ACTG1: variants seen among roughly 807,000 people sequenced by gnomAD.
The protein encoded by ACTG1 is actin gamma 1.
Under a neutral mutation model 34.3 loss-of-function variants are expected in ACTG1, and 14 were observed. The ratio of observed to expected loss-of-function variants is 0.41; its 90% confidence interval spans 0.27 to 0.64. ACTG1 has a LOEUF of 0.64. Ranked by LOEUF, ACTG1 falls within the 30% of genes least tolerant of loss-of-function variation. The probability of loss-of-function intolerance (pLI) is 0.33; values close to 1 mark genes in which losing one functional copy is unlikely to be tolerated. For synonymous variants in ACTG1, 422 were observed against 213.9 expected, an observed-to-expected ratio of 1.97 and a Z score of -8.49; for missense variants, 233 against 529.5, an observed-to-expected ratio of 0.44 and a Z score of 5.50.
chr17:81,512,041 G>T lies in ACTG1; in HGVS notation c.225C>A (p.Ile75=). 6.2e-7 allele frequency: 1 copy of T among 1,614,022 alleles called. No homozygotes were observed. Among genetic ancestry groups the T allele is most frequent in the Non-Finnish European group, 8.5e-7 (1 of 1,180,040 alleles). ...LTLKYPIEHG[I]VTNWDDMEKI... ...TCTCCATGTCGTCCCAGTTGGTGAC[G>T]ATGCCATGCTCAATGGGGTACTTCA... is the stretch of plus-strand genomic sequence containing the variant. Residue 75 remains isoleucine (I), a synonymous_variant, in exon 3 of 6, where the codon ATC becomes ATA. Coordinates refer to ENST00000573283, the MANE Select transcript of ACTG1 (RefSeq NM_001614.5).
intron 1 of ACTG1, 81 bp from the exon 2 acceptor site, chr17:81,512,441 G>C: frequency 1.2e-6 from 2 of 1,610,646 alleles, no homozygotes; most frequent in Non-Finnish European, 1.7e-6. Context: ...CCTCCCGCGG[G>C]GAAGCCTCGG....
Position 81,511,185 on chromosome 17 carries a change from T to C in ACTG1, c.802+3A>G, listed in dbSNP as rs1568060971. ...GTAGAAACCTTTAGCTCACAACACC[T>C]ACCCAGGAAGGAAGGCTGGAACAGC... On this transcript the variant is annotated splice_donor_region_variant and intron_variant, in intron 4 of 5. Coordinates refer to ENST00000573283, the MANE Select transcript of ACTG1 (RefSeq NM_001614.5). 1 of 1,613,650 alleles carries C rather than the reference T, an allele frequency of 6.2e-7. No individual in the cohort carries two copies. The highest frequency in any genetic ancestry group is 8.5e-7 in the Non-Finnish European group (1 of 1,180,036).
At position 81,510,801 on chromosome 17, in the gene ACTG1, C is replaced by T. The variant is rs111305526; in HGVS notation, c.1017G>A (p.Val339=). 5.0e-6 allele frequency: 8 copies of T among 1,614,026 alleles called. No homozygotes were observed. The African/African-American group carries it at 5.3e-5, about 11-fold the overall frequency. ...AGGCCAGGATGGAGCCACCGATCCA[C>T]ACCGAGTACTTGCGCTCTGGGGGTG... ...IIAPPERKYS[V]WIGGSILASL... The change falls in exon 6 of 6, where the codon GTG becomes GTA. Residue 339 remains valine, a synonymous_variant. Transcript: ENST00000573283.
At chr17:81,512,684 G>C (rs2031894577) in intron 1 of ACTG1, 50 bp downstream of exon 1, 3 of 401,928 alleles carry the variant, frequency 7.5e-6, no homozygotes, top group South Asian at 6.0e-5. Flanking sequence ...CCGGGGTCGG[G>C]GGGCGCAGGC....
rs557197018 is a variant in ACTG1, at chr17:81,510,222, T to A, written c.*468A>T. The A allele has an allele frequency of 1.6e-4, 82 of 508,984 alleles. No homozygotes were observed. Among genetic ancestry groups the A allele is most frequent in the African/African-American group, 1.4e-3 (72 of 50,874 alleles). The allele number at this position is 508,984 out of a possible 1,614,324, so 31.5% of individuals were successfully genotyped here. A position where few individuals can be genotyped will look rare whatever the true frequency, so the allele number is the denominator to read the frequency against. ...ACATCAGCTAAGAAAGGAAACTGGG[T>A]CCTACGGCTTGGACTTTCCAACCCT... On this transcript the variant is annotated 3_prime_UTR_variant, in exon 6 of 6. Transcript: ENST00000573283.
rs782132566 is a variant in ACTG1 at position 81,511,883 on chromosome 17, G to C, written c.363+20C>G. ...ACTGGGGAAAGGACGGGAGGAGCAC[G>C]GGCGTCGGCCGAGCCTCACCTGAGT... is the stretch of plus-strand genomic sequence containing the variant. On this transcript the variant is annotated intron_variant, in intron 3 of 5. Coordinates refer to ENST00000573283, the MANE Select transcript of ACTG1 (RefSeq NM_001614.5). The C allele has an allele frequency of 1.1e-5, 17 of 1,613,862 alleles. No homozygotes were observed. The highest frequency in any genetic ancestry group is 4.0e-5 in the African/African-American group (3 of 74,926).
rs2031655914 is a variant in ACTG1, at chr17:81,510,088, T to G, written c.*602A>C. On this transcript the variant is annotated 3_prime_UTR_variant, in exon 6 of 6. Transcript: ENST00000573283. The stretch of plus-strand genomic sequence containing the variant: ...GTCATCTCTTCAAAGAATCGAGAAT[T>G]GCGTACAAAAAAAACCTTACATAAA... The G allele has an allele frequency of 8.7e-6, 4 of 458,944 alleles. No homozygotes were observed. Among genetic ancestry groups the G allele is most frequent in the African/African-American group, 4.0e-5 (2 of 49,940 alleles). 28.4% of individuals were successfully genotyped at this position (458,944 alleles called of 1,614,324 possible). A position where few individuals can be genotyped will look rare whatever the true frequency, so the allele number is the denominator to read the frequency against.
At position 81,512,333 on chromosome 17, in the gene ACTG1, G is replaced by A. The variant is rs782795413; in HGVS notation, c.22C>T (p.Leu8=). The A allele has an allele frequency of 1.3e-5, 21 of 1,613,878 alleles. No homozygotes were observed. Among genetic ancestry groups the A allele is most frequent in the Middle Eastern group, 1.6e-4 (1 of 6,084 alleles). Residue 8 remains leucine, a synonymous_variant, in exon 2 of 6, where the codon CTG becomes TTG. Coordinates refer to ENST00000573283, the MANE Select transcript of ACTG1 (RefSeq NM_001614.5). MEEEIAA[L]VIDNGSGMCK... ...ATGCCGGAGCCATTGTCAATGACCA[G>A]CGCGGCGATCTCTTCTTCCATTGCG...
chr17:81,512,581 GC>G (rs1391070346), intron 1 of ACTG1, 152 bp downstream of exon 1: 16 of 683,518 alleles, frequency 2.3e-5, no homozygotes, highest in African/African-American at 3.6e-5. Flanking sequence ...GACCCCCGGC[GC>G]CCCCCCAGCC....
At position 81,512,739 on chromosome 17, in the gene ACTG1, G is replaced by C. The variant is rs782479378; in HGVS notation, c.-12C>G. Reference sequence around the variant, plus strand: ...CCCCGGGGCGGGGCGCTCACCGGCAGAGAAACGCGACGGCGGAGCGGCGGA... The same window carrying C: ...CCCCGGGGCGGGGCGCTCACCGGCACAGAAACGCGACGGCGGAGCGGCGGA... On this transcript the variant is annotated 5_prime_UTR_variant, in exon 1 of 6. Transcript: ENST00000573283. 2 of 413,828 alleles carry C rather than the reference G, an allele frequency of 4.8e-6. No homozygotes were observed. Among genetic ancestry groups the C allele is most frequent in the South Asian group, 1.7e-5 (1 of 58,198 alleles). 25.6% of individuals were successfully genotyped at this position (413,828 alleles called of 1,614,324 possible).
Position 81,511,174 on chromosome 17 carries a change from C to T in ACTG1, c.802+14G>A. 3 of 1,613,712 alleles carry T rather than the reference C, an allele frequency of 1.9e-6. No individual in the cohort carries two copies. The highest frequency in any genetic ancestry group is 1.1e-5 in the South Asian group (1 of 91,086). The stretch of plus-strand genomic sequence containing the variant: ...AGGATGTAAGAGTAGAAACCTTTAG[C>T]TCACAACACCTACCCAGGAAGGAAG... On this transcript the variant is annotated intron_variant, in intron 4 of 5. Coordinates refer to ENST00000573283, the MANE Select transcript of ACTG1 (RefSeq NM_001614.5).
chr17:81,512,190 C>T (rs781879811), intron 2 of ACTG1, 42 bp downstream of exon 2: 4 of 1,613,350 alleles, frequency 2.5e-6, no homozygotes, highest in Admixed American at 3.3e-5. Flanking sequence ...GAACCCACCC[C>T]GCAACGCAGA....
rs537839620 is a variant in ACTG1, at chr17:81,510,496, T to G, written c.*194A>C. The stretch of plus-strand genomic sequence containing the variant: ...ACAAATACCAAGGGGAACAGTTAAC[T>G]TCAATACAAGGTCAAAATCAGCAAC... On this transcript the variant is annotated 3_prime_UTR_variant, in exon 6 of 6. Transcript: ENST00000573283. 96 of 775,462 alleles carry G rather than the reference T, an allele frequency of 1.2e-4. 1 individual carries two copies. In the African/African-American group the frequency reaches 1.5e-3, roughly 12 times the overall value. The allele number at this position is 775,462 out of a possible 1,614,324, so 48.0% of individuals were successfully genotyped here.
At position 81,512,761 on chromosome 17, in the gene ACTG1, C is replaced by T. The variant is rs1038263082; in HGVS notation, c.-34G>A. The T allele has an allele frequency of 1.5e-5, 6 of 413,398 alleles. No individual in the cohort carries two copies. The highest frequency in any genetic ancestry group is 1.0e-4 in the East Asian group (1 of 9,772). 25.6% of individuals were successfully genotyped at this position (413,398 alleles called of 1,614,324 possible). A position where few individuals can be genotyped will look rare whatever the true frequency, so the allele number is the denominator to read the frequency against. ...GCAGAGAAACGCGACGGCGGAGCGG[C>T]GGAAGAACAGAGTGCGAGAGCTGGC... On this transcript the variant is annotated 5_prime_UTR_variant, in exon 1 of 6. Coordinates refer to ENST00000573283, the MANE Select transcript of ACTG1 (RefSeq NM_001614.5).
Position 81,510,997 on chromosome 17 carries a change from A to G in ACTG1, c.914T>C (p.Met305Thr). ...ANTVLSGGTT[M>T]YPGIADRMQK... ...CATCCTGTCGGCAATGCCCGGGTAC[A>G]TGGTGGTGCCGCCCGACAGCACCGT... Residue 305 changes from methionine to threonine, a missense_variant, in exon 5 of 6, where the codon ATG becomes ACG. Coordinates refer to ENST00000573283, the MANE Select transcript of ACTG1 (RefSeq NM_001614.5). The G allele has an allele frequency of 6.2e-7, 1 of 1,614,002 alleles. No homozygotes were observed. The highest frequency in any genetic ancestry group is 8.5e-7 in the Non-Finnish European group (1 of 1,180,010).
intron 3 of ACTG1, 44 bp from the exon 4 acceptor site, chr17:81,511,670 C>T (rs528687538): frequency 6.9e-6 from 11 of 1,587,320 alleles, no homozygotes; most frequent in South Asian, 4.5e-5. Context: ...CAGAGACCCA[C>T]GGCCACCCCA....
intron 3 of ACTG1, 114 bp downstream of exon 3, chr17:81,511,789 G>T (rs782283403): frequency 6.3e-7 from 1 of 1,575,092 alleles, no homozygotes; most frequent in Admixed American, 1.8e-5. Context: ...GGAAATGCCG[G>T]GAGAGGAACA....
In ACTG1 at chr17:81,512,358, G is replaced by T. The variant is rs371557875; in HGVS notation, c.-4C>A. On this transcript the variant is annotated splice_region_variant and 5_prime_UTR_variant, in exon 2 of 6. Coordinates refer to ENST00000573283, the MANE Select transcript of ACTG1 (RefSeq NM_001614.5). Reference sequence around the variant, plus strand: ...GCGCGGCGATCTCTTCTTCCATTGCGACCTGCCCGGAAAAGGATGGACTCA... The same window carrying T: ...GCGCGGCGATCTCTTCTTCCATTGCTACCTGCCCGGAAAAGGATGGACTCA... The T allele has an allele frequency of 2.5e-6, 4 of 1,613,786 alleles. No homozygotes were observed. The highest frequency in any genetic ancestry group is 1.1e-5 in the South Asian group (1 of 91,070).
Position 81,511,851 on chromosome 17 carries a change from G to A in ACTG1, c.363+52C>T, listed in dbSNP as rs373830909. On this transcript the variant is annotated intron_variant, in intron 3 of 5. Transcript: ENST00000573283. ...TAAATGTCAGAAATCAAGCCGGGCA[G>A]AAAATGACTGGGGAAAGGACGGGAG... is the stretch of plus-strand genomic sequence containing the variant. 7.3e-5 allele frequency: 117 copies of A among 1,611,142 alleles called. No individual in the cohort carries two copies. In the Admixed American group the frequency reaches 1.5e-3, roughly 21 times the overall value.
Sources: allele counts gnomAD v4.1 joint callset, GRCh38; gene constraint gnomAD v4.1.1; transcripts MANE v1.5; gene names NCBI Gene and HGNC (gene_info 2026-07-23, HGNC 2026-07-21).